The following RFX4 variants were observed in gnomAD, a reference collection of about 807,000 sequenced individuals.
The protein encoded by RFX4 is regulatory factor X4.
RFX4 carries 10 observed loss-of-function variants against 95.0 expected under a neutral mutation model. That is an observed-to-expected ratio of 0.11 (90% confidence interval 0.06 to 0.18). The LOEUF is 0.18. Among genes scored for constraint, RFX4 ranks in the 10% least tolerant of loss-of-function variants. The pLI is 1.00. For synonymous variants in RFX4, 321 were observed against 340.7 expected (o/e 0.94, Z 0.64); for missense variants, 640 against 922.0 (o/e 0.69, Z 3.96).
intron 13 of RFX4, among the ~76,000 whole-genome samples, chr12:106,724,513 T>G (rs1403785737): frequency 6.6e-6 from 1 of 152,184 alleles, no homozygotes; most frequent in Non-Finnish European, 1.5e-5. Context: ...ATTTAAAAAT[T>G]TAAAGCTATG....
chr12:106,682,251 A>AG, intron 5 of RFX4, 197 bp downstream of exon 5: 1 of 583,578 alleles, frequency 1.7e-6, no homozygotes, highest in Non-Finnish European at 3.0e-6. Flanking sequence ...CAAAAGCCCA[A>AG]GACGAGTTGG....
intron 1 of RFX4, among the ~76,000 whole-genome samples, chr12:106,604,487 T>C (rs2039782778): frequency 2.0e-5 from 3 of 152,134 alleles, no homozygotes; most frequent in Non-Finnish European, 4.4e-5. Context: ...GTGTTGAATT[T>C]TGCTTTATTT....
intron 13 of RFX4, among the ~76,000 whole-genome samples, chr12:106,726,939 T>C (rs957936839): frequency 3.3e-5 from 5 of 152,020 alleles, no homozygotes; most frequent in African/African-American, 1.2e-4. Context: ...GCCCAGCTAA[T>C]TTTTGTATTT....
chr12:106,749,570 C>T (rs2042961033), intron 16 of RFX4, among the ~76,000 whole-genome samples: 1 of 152,122 alleles, frequency 6.6e-6, no homozygotes, highest in Non-Finnish European at 1.5e-5. Flanking sequence ...AACTCTGTTT[C>T]AGAGAGATTT....
intron 4 of RFX4, among the ~76,000 whole-genome samples, chr12:106,666,775 A>G (rs1840994599): frequency 6.6e-6 from 1 of 152,134 alleles, no homozygotes; most frequent in African/African-American, 2.4e-5. Flanking sequence ...TAGGATTTCT[A>G]TCTCTCTGCT....
At chr12:106,612,709 G>A (rs951703128) in intron 2 of RFX4, among the ~76,000 whole-genome samples, 3 of 152,098 alleles carry the variant, frequency 2.0e-5, no homozygotes, top group East Asian at 3.9e-4. Flanking sequence ...ATGGTGGCAG[G>A]CACCTGTAAT....
intron 7 of RFX4, among the ~76,000 whole-genome samples, chr12:106,692,682 A>C (rs1439149819): frequency 6.6e-6 from 1 of 152,190 alleles, no homozygotes; most frequent in Non-Finnish European, 1.5e-5. Context: ...TTTACTAATA[A>C]TTTGGAATCA....
At chr12:106,731,528 C>A (rs1213800334) in intron 13 of RFX4, among the ~76,000 whole-genome samples, 2 of 152,126 alleles carry the variant, frequency 1.3e-5, no homozygotes, top group Admixed American at 1.3e-4. Context: ...CTTGAAAAGA[C>A]CAACTATTTT....
intron 2 of RFX4, among the ~76,000 whole-genome samples, chr12:106,609,774 G>A (rs2039918675): frequency 6.6e-6 from 1 of 151,832 alleles, no homozygotes; most frequent in Non-Finnish European, 1.5e-5. Flanking sequence ...GTATCCACTG[G>A]TGTCATTACT....
At chr12:106,583,602 G>T in intron 1 of RFX4, 1 of 383,102 alleles carries the variant, frequency 2.6e-6, no homozygotes, top group Non-Finnish European at 4.6e-6. Flanking sequence ...GTGCGCGCGC[G>T]CGAAGGAGCG....
intron 15 of RFX4, among the ~76,000 whole-genome samples, chr12:106,735,617 G>A (rs1474605103): frequency 1.3e-5 from 2 of 152,104 alleles, no homozygotes; most frequent in African/African-American, 4.8e-5. Flanking sequence ...CTTTTGAAGT[G>A]TAAAGAAAAA....
At chr12:106,702,234 C>T (rs1452475474) in intron 8 of RFX4, among the ~76,000 whole-genome samples, 1 of 151,952 alleles carries the variant, frequency 6.6e-6, no homozygotes, top group African/African-American at 2.4e-5. Context: ...CTGTTTATCT[C>T]ATAATTTTTA....
chr12:106,725,545 CTT>C (rs1259994134), intron 13 of RFX4, among the ~76,000 whole-genome samples: 2 of 151,998 alleles, frequency 1.3e-5, no homozygotes, highest in Non-Finnish European at 2.9e-5. Flanking sequence ...ATGTCTTTGT[CTT>C]TTTTAGGAAT....
rs1465026269 is a variant in RFX4, at chr12:106,720,729, C to A, written c.1234-30C>A. The A allele has an allele frequency of 6.3e-7, 1 of 1,593,290 alleles. No individual in the cohort carries two copies. The highest frequency in any genetic ancestry group is 1.3e-5 in the African/African-American group (1 of 74,456). ...AGTAATAAATGAAAGGTCAAGTCGA[C>A]CACTATTAAAGCCATTTACTTTCTT... On this transcript the variant is annotated intron_variant, in intron 12 of 17. Coordinates refer to ENST00000392842, the MANE Select transcript of RFX4 (RefSeq NM_213594.3). The surrounding 1 kb of genome is among the most constrained non-coding windows in gnomAD (Gnocchi z 4.2).
At position 106,732,230 on chromosome 12, in the gene RFX4, G is replaced by A; in HGVS notation, c.1452G>A (p.Met484Ile). ...QERANELMRA[M>I]KGEGSTAEVR... is the part of the protein sequence containing the mutation. Reference sequence around the variant, plus strand: ...GGGCCAATGAGCTCATGCGAGCCATGAAGGGAGAAGGAAGCACTGGTAAGC... The same window carrying A: ...GGGCCAATGAGCTCATGCGAGCCATAAAGGGAGAAGGAAGCACTGGTAAGC... The change falls in exon 14 of 18, where the codon ATG becomes ATA. Residue 484 changes from methionine to isoleucine, a missense_variant. Coordinates refer to ENST00000392842, the MANE Select transcript of RFX4 (RefSeq NM_213594.3). 1 of 1,614,006 alleles carries A rather than the reference G, an allele frequency of 6.2e-7. No individual in the cohort carries two copies. The highest frequency in any genetic ancestry group is 8.5e-7 in the Non-Finnish European group (1 of 1,179,904).
At chr12:106,621,407 C>A (rs1221459829) in intron 2 of RFX4, among the ~76,000 whole-genome samples, 1 of 152,194 alleles carries the variant, frequency 6.6e-6, no homozygotes, top group Non-Finnish European at 1.5e-5. Flanking sequence ...GTCTATTTCA[C>A]TTTTGTCTGT....
intron 4 of RFX4, 152 bp downstream of exon 4, chr12:106,654,503 T>C: frequency 2.3e-6 from 2 of 877,590 alleles, no homozygotes; most frequent in Admixed American, 6.9e-5. Context: ...TGTAATACTT[T>C]GCTATCAAAA....
At chr12:106,635,583 G>T (rs796770061) in intron 2 of RFX4, among the ~76,000 whole-genome samples, 10 of 152,260 alleles carry the variant, frequency 6.6e-5, no homozygotes, top group African/African-American at 2.4e-4. Flanking sequence ...AAAGTGCTAG[G>T]ATTACAGGGG....
intron 1 of RFX4, among the ~76,000 whole-genome samples, chr12:106,600,038 C>T (rs538600003): frequency 6.6e-6 from 1 of 152,240 alleles, no homozygotes; most frequent in East Asian, 1.9e-4. Context: ...GCTTCTCAAC[C>T]ACCTACTGAA....
Sources: allele counts gnomAD v4.1 joint callset (sites outside exome capture counted in the v4.1 genomes callset), GRCh38; gene constraint gnomAD v4.1.1; non-coding constraint Gnocchi (gnomAD v3.1); transcripts MANE v1.5; gene names NCBI Gene and HGNC (gene_info 2026-07-23, HGNC 2026-07-21).